PPP4R3B: variants seen among roughly 807,000 people sequenced by gnomAD.
PPP4R3B encodes the protein serine/threonine-protein phosphatase 4 regulatory subunit 3B.
Under a neutral mutation model 95.4 loss-of-function variants are expected in PPP4R3B, and 52 were observed. That is an observed-to-expected ratio of 0.54 (90% CI 0.44 to 0.69). The LOEUF is 0.69. Ranked by LOEUF, PPP4R3B falls within the 30% of genes least tolerant of loss-of-function variation. PPP4R3B has a pLI of 0.00. For missense variants in PPP4R3B, 1,003 were observed against 1,005.9 expected (o/e 1.00, Z 0.04); for synonymous variants, 407 against 343.9 (o/e 1.18, Z -2.03).
intron 5 of PPP4R3B, among the ~76,000 whole-genome samples, chr2:55,587,798 A>G (rs1690366389): frequency 6.6e-6 from 1 of 152,222 alleles, no homozygotes; most frequent in Non-Finnish European, 1.5e-5. Context: ...AATGTACATC[A>G]AAACTTCTCT....
chr2:55,599,302 G>C (rs1692229749), intron 3 of PPP4R3B, among the ~76,000 whole-genome samples: 1 of 152,150 alleles, frequency 6.6e-6, no homozygotes. Context: ...GCCAGGTGTG[G>C]TGGCATACGC....
At chr2:55,588,760 C>T in intron 5 of PPP4R3B, 119 bp downstream of exon 5, 1 of 573,822 alleles carries the variant, frequency 1.7e-6, no homozygotes, top group East Asian at 2.8e-5. Context: ...TAAATACATA[C>T]TTTTCATCTC....
intron 8 of PPP4R3B, among the ~76,000 whole-genome samples, 176 bp from the exon 9 acceptor site, chr2:55,579,957 G>A (rs534547979): frequency 3.9e-5 from 6 of 152,072 alleles, no homozygotes; most frequent in African/African-American, 9.6e-5. Context: ...TTGGTTATAC[G>A]TTGTCAAAGA....
At chr2:55,560,633 T>C (rs1273941077) in intron 15 of PPP4R3B, among the ~76,000 whole-genome samples, 1 of 151,828 alleles carries the variant, frequency 6.6e-6, no homozygotes, top group Non-Finnish European at 1.5e-5. Flanking sequence ...AAAAATTAGC[T>C]GGGCGTGGTG....
intron 8 of PPP4R3B, among the ~76,000 whole-genome samples, chr2:55,580,394 A>T (rs775092011): frequency 2.0e-5 from 3 of 152,178 alleles, no homozygotes; most frequent in Non-Finnish European, 4.4e-5. Context: ...GAAAGTAACA[A>T]AGAAAGAAAA....
rs138452178 is a variant in PPP4R3B, at chr2:55,604,152, G to A, written c.199-76C>T. 7.4e-3 allele frequency: 8,328 copies of A among 1,125,762 alleles called. 49 individuals are homozygous for A. The highest frequency in any genetic ancestry group is 9.2e-3 in the Non-Finnish European group (7,339 of 795,320). The allele number at this position is 1,125,762 out of a possible 1,614,324, so 69.7% of individuals were successfully genotyped here. On this transcript the variant is annotated intron_variant, in intron 2 of 16. Coordinates refer to ENST00000616407, the MANE Select transcript of PPP4R3B (RefSeq NM_001122964.3). ...ACAAAGTACAAATAGAAATCAAGAG[G>A]ACTGGAAACAACACAGCAATGACAA...
chr2:55,600,101 C>T (rs1692335999), intron 3 of PPP4R3B, among the ~76,000 whole-genome samples: 1 of 152,172 alleles, frequency 6.6e-6, no homozygotes, highest in Non-Finnish European at 1.5e-5. Context: ...ACTATCTGAA[C>T]CATCAAACTT....
intron 4 of PPP4R3B, among the ~76,000 whole-genome samples, chr2:55,595,101 T>C (rs1691584262): frequency 6.6e-6 from 1 of 150,936 alleles, no homozygotes; most frequent in South Asian, 2.1e-4. Flanking sequence ...CTCAGCTCAC[T>C]GCAACCTCCG....
intron 2 of PPP4R3B, among the ~76,000 whole-genome samples, chr2:55,612,806 C>T (rs770601524): frequency 2.6e-5 from 4 of 151,924 alleles, no homozygotes; most frequent in Non-Finnish European, 4.4e-5. Context: ...ATTAACTGGG[C>T]GTGGTGGCGG....
rs35593207 is a variant in PPP4R3B, at chr2:55,581,924, G to GA, written c.1234-227dup. Among the ~76,000 whole-genome samples, 22 of 150,458 alleles carry GA rather than the reference G, an allele frequency of 1.5e-4. No homozygotes were observed. The East Asian group carries it at 3.9e-3, about 26-fold the overall frequency. ...CCGAGAAAAAAAAAAGAAGAAGGAGGAAAAAAAACCCACAAAAGCAGAGCA... is the reference window on the plus strand; with the variant it reads ...CCGAGAAAAAAAAAAGAAGAAGGAGGAAAAAAAAACCCACAAAAGCAGAGCA... On this transcript the variant is annotated intron_variant, in intron 7 of 16. Transcript: ENST00000616407.
intron 11 of PPP4R3B, 44 bp from the exon 12 acceptor site, chr2:55,573,821 C>T: frequency 1.6e-6 from 2 of 1,216,270 alleles, no homozygotes; most frequent in Non-Finnish European, 2.2e-6. Context: ...TTGAATATAT[C>T]TAAATAAAGA....
chr2:55,573,886 C>CAT (rs1688311423), intron 11 of PPP4R3B, 109 bp from the exon 12 acceptor site: 28 of 277,630 alleles, frequency 1.0e-4, no homozygotes, highest in Non-Finnish European at 1.5e-4. Context: ...GTATTTCCTC[C>CAT]TTTTTTTTTT....
At chr2:55,586,860 C>T in intron 5 of PPP4R3B, 126 bp from the exon 6 acceptor site, 1 of 523,278 alleles carries the variant, frequency 1.9e-6, no homozygotes, top group Non-Finnish European at 3.4e-6. Context: ...TATGCTGGCT[C>T]CTCAAAACTA....
intron 11 of PPP4R3B, 115 bp downstream of exon 11, chr2:55,577,200 G>A: frequency 7.8e-7 from 1 of 1,281,604 alleles, no homozygotes; most frequent in Non-Finnish European, 1.0e-6. Context: ...TTTCTTCTTG[G>A]ATTTTGTTTT....
At chr2:55,599,168 T>TG in intron 3 of PPP4R3B, 129 bp from the exon 4 acceptor site, 1 of 865,954 alleles carries the variant, frequency 1.2e-6, no homozygotes, top group East Asian at 2.7e-5. Flanking sequence ...CCAGGCACGG[T>TG]GGCTCACGCC....
chr2:55,610,235 G>T (rs538920263), intron 2 of PPP4R3B, among the ~76,000 whole-genome samples: 50 of 152,184 alleles, frequency 3.3e-4, no homozygotes, highest in African/African-American at 1.1e-3. Context: ...TTTTGTATCT[G>T]AATTATTGCA....
intron 5 of PPP4R3B, among the ~76,000 whole-genome samples, chr2:55,587,134 C>T (rs368668594): frequency 6.6e-6 from 1 of 152,148 alleles, no homozygotes; most frequent in Non-Finnish European, 1.5e-5. Flanking sequence ...AGATATTTGG[C>T]TATAAAAGGC....
chr2:55,556,397 A>C (rs1162658583), intron 16 of PPP4R3B, among the ~76,000 whole-genome samples: 7 of 152,254 alleles, frequency 4.6e-5, no homozygotes, highest in Non-Finnish European at 1.5e-5. Context: ...AGGATAATAA[A>C]AACTCAGAGA....
chr2:55,583,366 T>A (rs1016177063), intron 7 of PPP4R3B, among the ~76,000 whole-genome samples: 1 of 151,514 alleles, frequency 6.6e-6, no homozygotes, highest in African/African-American at 2.4e-5. Flanking sequence ...AAGGTTGTTA[T>A]AAGAAAAAAA....
Sources: allele counts gnomAD v4.1 joint callset (sites outside exome capture counted in the v4.1 genomes callset), GRCh38; gene constraint gnomAD v4.1.1; transcripts MANE v1.5; gene names NCBI Gene and HGNC (gene_info 2026-07-23, HGNC 2026-07-21).